AGBL1: variants seen among roughly 807,000 people sequenced by gnomAD.
The protein encoded by AGBL1 is AGBL carboxypeptidase 1.
AGBL1 carries 130 observed loss-of-function variants against 118.9 expected under a neutral mutation model. That is an observed-to-expected ratio of 1.09 (90% CI 0.95 to 1.26). The LOEUF (loss-of-function observed/expected upper bound fraction) is 1.26. Among genes scored for constraint, AGBL1 ranks in the 50% most tolerant of loss-of-function variants. The pLI is 0.00. For synonymous variants in AGBL1, 555 were observed against 478.9 expected (o/e 1.16, Z -2.08); for missense variants, 1,584 against 1,298.1 (o/e 1.22, Z -3.38).
intron 17 of AGBL1, among the ~76,000 whole-genome samples, chr15:86,302,051 C>T (rs1051432425): frequency 2.0e-5 from 3 of 152,132 alleles, no homozygotes; most frequent in African/African-American, 7.2e-5. Context: ...CTACCCTCTT[C>T]AGATACAAAC....
At chr15:86,511,083 A>C (rs1327527062) in intron 18 of AGBL1, among the ~76,000 whole-genome samples, 2 of 152,222 alleles carry the variant, frequency 1.3e-5, no homozygotes, top group Non-Finnish European at 2.9e-5. Flanking sequence ...GTTGAACAAC[A>C]AATGTGTGGT....
At chr15:86,090,531 G>A (rs1895953027) in intron 1 of AGBL1, among the ~76,000 whole-genome samples, 1 of 152,032 alleles carries the variant, frequency 6.6e-6, no homozygotes, top group South Asian at 2.1e-4. Context: ...CAATGTACTT[G>A]AACATTTTTC....
At chr15:86,501,274 A>T (rs936813199) in intron 18 of AGBL1, among the ~76,000 whole-genome samples, 1 of 151,632 alleles carries the variant, frequency 6.6e-6, no homozygotes, top group African/African-American at 2.4e-5. Flanking sequence ...AACATCTTGT[A>T]ATGAGCTTAT....
chr15:86,339,247 G>A (rs1172550691), intron 17 of AGBL1, among the ~76,000 whole-genome samples: 2 of 152,166 alleles, frequency 1.3e-5, no homozygotes, highest in African/African-American at 4.8e-5. Context: ...TAGGTAAGGT[G>A]TTATCCATTT....
chr15:86,650,756 G>A (rs1033431570), intron 21 of AGBL1, among the ~76,000 whole-genome samples: 1 of 152,240 alleles, frequency 6.6e-6, no homozygotes, highest in African/African-American at 2.4e-5. Flanking sequence ...TACAGTATCA[G>A]CACACTGTCT....
At chr15:86,136,934 A>T (rs567816822) in intron 1 of AGBL1, among the ~76,000 whole-genome samples, 13 of 152,210 alleles carry the variant, frequency 8.5e-5, no homozygotes, top group Non-Finnish European at 1.6e-4. Flanking sequence ...AAAGCTTGGT[A>T]GATACATTTT....
At chr15:87,006,357 G>A (rs1202898664) in intron 24 of AGBL1, among the ~76,000 whole-genome samples, 1 of 152,114 alleles carries the variant, frequency 6.6e-6, no homozygotes, top group African/African-American at 2.4e-5. Flanking sequence ...AAGCTTCCCT[G>A]CCGCTTTGTT....
chr15:86,811,604 C>T (rs2078790548), intron 22 of AGBL1, among the ~76,000 whole-genome samples: 1 of 152,268 alleles, frequency 6.6e-6, no homozygotes, highest in East Asian at 1.9e-4. Context: ...ATATTTAAGA[C>T]TGTGATACTT....
rs566649168 is a variant in AGBL1, at chr15:86,347,106, A to G, written c.2375-50260A>G. ...TAATGACTTGTTAGGGCTGACCTGG[A>G]TGGTAATTGATTACTAATGAGGCAG... On this transcript the variant is annotated intron_variant, in intron 17 of 22. Transcript: ENST00000614907. Among the ~76,000 whole-genome samples, 3 of 152,266 alleles carry G rather than the reference A, an allele frequency of 2.0e-5. No homozygotes were observed. The South Asian group carries it at 6.2e-4, about 32-fold the overall frequency.
At chr15:87,023,779 A>G (rs1289329226) in intron 24 of AGBL1, among the ~76,000 whole-genome samples, 1 of 152,058 alleles carries the variant, frequency 6.6e-6, no homozygotes, top group Non-Finnish European at 1.5e-5. Context: ...AATTATATCA[A>G]GCACTCTCTC....
intron 18 of AGBL1, among the ~76,000 whole-genome samples, chr15:86,433,892 C>A (rs780285798): frequency 1.3e-4 from 20 of 152,164 alleles, no homozygotes; most frequent in Non-Finnish European, 2.5e-4. Flanking sequence ...GTCCCTGTGG[C>A]CTTTTCCTCT....
At chr15:86,721,893 C>T (rs544435960) in intron 22 of AGBL1, among the ~76,000 whole-genome samples, 1 of 151,970 alleles carries the variant, frequency 6.6e-6, no homozygotes, top group East Asian at 2.0e-4. Flanking sequence ...TCATGAGTGA[C>T]CTCCCATTCA....
intron 22 of AGBL1, among the ~76,000 whole-genome samples, chr15:86,885,721 A>G (rs2079960217): frequency 6.6e-6 from 1 of 152,202 alleles, no homozygotes; most frequent in South Asian, 2.1e-4. Flanking sequence ...ACATCCACAA[A>G]ATTATGGTTT....
intron 24 of AGBL1, among the ~76,000 whole-genome samples, chr15:87,012,529 G>A (rs2081571939): frequency 1.3e-5 from 2 of 152,044 alleles, no homozygotes; most frequent in Non-Finnish European, 2.9e-5. Flanking sequence ...CCTGGTAAGA[G>A]GAACTTATGT....
intron 13 of AGBL1, 137 bp downstream of exon 13, chr15:86,267,213 A>C (rs1019301142): frequency 3.6e-5 from 25 of 701,302 alleles, no homozygotes; most frequent in Middle Eastern, 2.5e-4. Context: ...TTATATCATA[A>C]AAATTGGCAA....
intron 19 of AGBL1, among the ~76,000 whole-genome samples, chr15:86,539,971 G>C (rs2083472793): frequency 2.6e-5 from 4 of 152,132 alleles, no homozygotes. Context: ...GAAATGAAAA[G>C]TGTTTTAAAA....
intron 17 of AGBL1, among the ~76,000 whole-genome samples, chr15:86,317,435 C>G (rs1164600565): frequency 2.0e-5 from 3 of 152,202 alleles, no homozygotes; most frequent in Admixed American, 2.0e-4. Flanking sequence ...TTCCAAACAG[C>G]ACTGGAGAAA....
chr15:86,636,427 A>G (rs2085085088), intron 21 of AGBL1, among the ~76,000 whole-genome samples: 1 of 151,772 alleles, frequency 6.6e-6, no homozygotes, highest in Admixed American at 6.6e-5. Context: ...CCGATTTAAA[A>G]CATACAGAGA....
intron 21 of AGBL1, among the ~76,000 whole-genome samples, chr15:86,598,194 C>T (rs1236095104): frequency 6.6e-6 from 1 of 152,064 alleles, no homozygotes; most frequent in Non-Finnish European, 1.5e-5. Context: ...TTATGAAATA[C>T]TGACTTTTTA....
Sources: allele counts gnomAD v4.1 joint callset (sites outside exome capture counted in the v4.1 genomes callset), GRCh38; gene constraint gnomAD v4.1.1; transcripts MANE v1.5; gene names NCBI Gene and HGNC (gene_info 2026-07-23, HGNC 2026-07-21).